Variants in COP1 observed in about 807,000 individuals in gnomAD.
COP1 encodes the protein E3 ubiquitin-protein ligase COP1.
In COP1, 24 loss-of-function variants were observed where a neutral mutation model predicts 101.3. That is an observed-to-expected ratio of 0.24 (90% CI 0.17 to 0.33). COP1 has a LOEUF of 0.33. Ranked by LOEUF, COP1 falls within the 10% of genes least tolerant of loss-of-function variation. COP1 has a pLI of 1.00. For synonymous variants in COP1, 347 were observed against 341.9 expected, an observed-to-expected ratio of 1.01 and a Z score of -0.17; for missense variants, 663 against 906.2, an observed-to-expected ratio of 0.73 and a Z score of 3.45.
chr1:176,035,783 A>G (rs914478134), intron 14 of COP1, among the ~76,000 whole-genome samples: 2 of 151,230 alleles, frequency 1.3e-5, no homozygotes, highest in Non-Finnish European at 2.9e-5. Flanking sequence ...TTGATCTGAC[A>G]CTTACAGAAC....
chr1:175,972,483 T>A (rs796437272), intron 18 of COP1, among the ~76,000 whole-genome samples: 6 of 150,096 alleles, frequency 4.0e-5, no homozygotes, highest in African/African-American at 1.5e-4. Context: ...TTTTTTTTTT[T>A]GAGACAGAGT....
intron 18 of COP1, among the ~76,000 whole-genome samples, chr1:175,984,447 T>A (rs1392222289): frequency 6.6e-6 from 1 of 152,194 alleles, no homozygotes; most frequent in Non-Finnish European, 1.5e-5. Context: ...TGGAAACGCC[T>A]GGCTATCCAG....
intron 5 of COP1, among the ~76,000 whole-genome samples, chr1:176,158,630 C>CTT (rs35518162): frequency 0.13 from 10,263 of 79,770 alleles, 237 homozygotes; most frequent in African/African-American, 0.15. Flanking sequence ...TTTTAAGGTT[C>CTT]TTTTTTTTTT....
At chr1:175,971,665 G>C (rs1253059888) in intron 18 of COP1, among the ~76,000 whole-genome samples, 3 of 152,150 alleles carry the variant, frequency 2.0e-5, no homozygotes, top group Non-Finnish European at 4.4e-5. Flanking sequence ...TGTATCCATT[G>C]TAATAAATCA....
Position 175,945,013 on chromosome 1 carries a change from G to C in COP1, c.*140C>G. 1.4e-6 allele frequency: 1 copy of C among 715,942 alleles called. No homozygotes were observed. Among genetic ancestry groups the C allele is most frequent in the Non-Finnish European group, 2.4e-6 (1 of 425,298 alleles). The allele number at this position is 715,942 out of a possible 1,614,324, so 44.3% of individuals were successfully genotyped here. A position where few individuals can be genotyped will look rare whatever the true frequency, so the allele number is the denominator to read the frequency against. On this transcript the variant is annotated 3_prime_UTR_variant, in exon 20 of 20. Coordinates refer to ENST00000367669, the MANE Select transcript of COP1 (RefSeq NM_022457.7). ...TCATAAAGGAGGGAAAAGAAAAAAA[G>C]AAAAAAATATTCAAAACAAATCCAA...
At chr1:175,990,367 A>G (rs945148969) in intron 15 of COP1, among the ~76,000 whole-genome samples, 1 of 152,110 alleles carries the variant, frequency 6.6e-6, no homozygotes, top group Non-Finnish European at 1.5e-5. Flanking sequence ...TATGTCTTCA[A>G]GCATTTTAAA....
intron 5 of COP1, among the ~76,000 whole-genome samples, chr1:176,153,682 A>G (rs912088384): frequency 1.3e-5 from 2 of 152,162 alleles, no homozygotes; most frequent in African/African-American, 4.8e-5. Flanking sequence ...TTCAAGGGCA[A>G]TGCTTCCAGC....
intron 15 of COP1, among the ~76,000 whole-genome samples, chr1:175,990,978 T>A (rs1020532288): frequency 6.6e-6 from 1 of 151,992 alleles, no homozygotes; most frequent in Non-Finnish European, 1.5e-5. Context: ...ACATTTAATA[T>A]AATTATTAAT....
At chr1:176,088,778 C>T (rs1394687888) in intron 9 of COP1, among the ~76,000 whole-genome samples, 2 of 150,558 alleles carry the variant, frequency 1.3e-5, no homozygotes, top group African/African-American at 4.9e-5. Context: ...GGCGGATCAC[C>T]TGAGGTCGGC....
At chr1:176,161,175 T>G (rs895092919) in intron 5 of COP1, among the ~76,000 whole-genome samples, 1 of 152,198 alleles carries the variant, frequency 6.6e-6, no homozygotes, top group African/African-American at 2.4e-5. Flanking sequence ...TAGAAAAAAT[T>G]CCTGAAAATA....
chr1:176,086,476 T>C (rs569740753), intron 9 of COP1, among the ~76,000 whole-genome samples: 1 of 152,252 alleles, frequency 6.6e-6, no homozygotes, highest in African/African-American at 2.4e-5. Context: ...TCCACCCGCC[T>C]CGGCCTCCCA....
rs78661762 is a variant in COP1, at chr1:175,992,924, C to T, written c.1730-3445G>A. Among the ~76,000 whole-genome samples the T allele has an allele frequency of 1.7e-4, 26 of 152,266 alleles. No individual in the cohort carries two copies. The East Asian group carries it at 3.9e-3, about 23-fold the overall frequency. ...CAGCATGCAGCTGGAGATCTGAGAA[C>T]GGGCAGACTGCCTCCTCAAGTGGGT... On this transcript the variant is annotated intron_variant, in intron 15 of 19. Transcript: ENST00000367669.
chr1:176,057,859 T>G (rs1166852819), intron 11 of COP1, among the ~76,000 whole-genome samples: 1 of 150,972 alleles, frequency 6.6e-6, no homozygotes, highest in African/African-American at 2.4e-5. Context: ...GGAGCGCCTC[T>G]TCCCCGCCGC....
chr1:176,097,697 C>A (rs558104006), intron 9 of COP1, among the ~76,000 whole-genome samples: 31 of 151,638 alleles, frequency 2.0e-4, no homozygotes, highest in Admixed American at 1.9e-3. Flanking sequence ...GGTGAAACCC[C>A]ATCTCTACTA....
chr1:176,146,126 CA>C lies in COP1; in HGVS notation c.831+2879del, dbSNP rs1308439636. 8.8e-4 allele frequency among the ~76,000 whole-genome samples: 134 copies of C among 152,122 alleles called. 2 individuals are homozygous for C. The highest frequency in any genetic ancestry group is 2.7e-3 in the African/African-American group (114 of 41,502). ...ATATTACAGTAAATTTAATAGGTAT[CA>C]AAAATTTCCAAAAGTACATTTTAAA... On this transcript the variant is annotated intron_variant, in intron 6 of 19. Transcript: ENST00000367669.
intron 9 of COP1, among the ~76,000 whole-genome samples, chr1:176,088,322 C>G (rs1407780261): frequency 6.6e-6 from 1 of 151,926 alleles, no homozygotes; most frequent in African/African-American, 2.4e-5. Context: ...GAATGACAGT[C>G]ATACACAAAA....
rs575123235 is a variant in COP1 at position 176,155,963 on chromosome 1, T to G, written c.763-6889A>C. 5.9e-5 allele frequency among the ~76,000 whole-genome samples: 9 copies of G among 152,086 alleles called. No individual in the cohort carries two copies. In the South Asian group the frequency reaches 1.9e-3, roughly 32 times the overall value. ...GTAAAAGGGAAATCAGCCAGATGGA[T>G]GCGAGAAAAAATGAAGAGCATCTGA... On this transcript the variant is annotated intron_variant, in intron 5 of 19. Transcript: ENST00000367669.
Position 176,006,708 on chromosome 1 carries a change from C to T in COP1, c.1730-17229G>A, listed in dbSNP as rs566444437. ...CTCTTCTGGCTTGTAGGGTTTCTGC[C>T]GAGAGATCCGCTGTTAGTCTGATGG... On this transcript the variant is annotated intron_variant, in intron 15 of 19. Coordinates refer to ENST00000367669, the MANE Select transcript of COP1 (RefSeq NM_022457.7). Among the ~76,000 whole-genome samples the T allele has an allele frequency of 3.2e-3, 488 of 152,224 alleles. 2 individuals carry two copies. Among genetic ancestry groups the T allele is most frequent in the African/African-American group, 0.011 (451 of 41,518 alleles).
chr1:176,155,151 AT>A (rs1286939246), intron 5 of COP1, among the ~76,000 whole-genome samples: 1 of 152,082 alleles, frequency 6.6e-6, no homozygotes, highest in Non-Finnish European at 1.5e-5. Context: ...TCAGATTAAA[AT>A]GTAAAAGGTT....
Sources: allele counts gnomAD v4.1 joint callset (sites outside exome capture counted in the v4.1 genomes callset), GRCh38; gene constraint gnomAD v4.1.1; transcripts MANE v1.5; gene names NCBI Gene and HGNC (gene_info 2026-07-23, HGNC 2026-07-21).